TNFRSF8: variants seen among roughly 807,000 people sequenced by gnomAD.
The protein encoded by TNFRSF8 is TNF receptor superfamily member 8.
A neutral mutation model predicts 70.8 loss-of-function variants in TNFRSF8; 26 were observed. That is an observed-to-expected ratio of 0.37 (90% CI 0.27 to 0.51). TNFRSF8 has a LOEUF of 0.51. Among genes scored for constraint, TNFRSF8 ranks in the 20% least tolerant of loss-of-function variants. TNFRSF8 has a pLI of 0.94. For missense variants in TNFRSF8, 720 were observed against 807.9 expected (o/e 0.89, Z 1.32); for synonymous variants, 356 against 339.2 (o/e 1.05, Z -0.54).
At chr1:12,100,444 T>A (rs188201504) in intron 3 of TNFRSF8, among the ~76,000 whole-genome samples, 37 of 148,446 alleles carry the variant, frequency 2.5e-4, no homozygotes, top group Middle Eastern at 3.4e-3. Context: ...AACTTTTGGC[T>A]CTTTTGTAAT....
At chr1:12,098,240 A>T (rs981341511) in intron 3 of TNFRSF8, among the ~76,000 whole-genome samples, 1 of 152,228 alleles carries the variant, frequency 6.6e-6, no homozygotes, top group Non-Finnish European at 1.5e-5. Context: ...AAAGAAAAGT[A>T]ATAATAATAT....
chr1:12,125,990 T>C lies in TNFRSF8; in HGVS notation c.1193T>C (p.Val398Ala), dbSNP rs770137068. 4.3e-6 allele frequency: 7 copies of C among 1,614,146 alleles called. No homozygotes were observed. In the Admixed American group the frequency reaches 1.2e-4, roughly 27 times the overall value. Residue 398 changes from valine to alanine, a missense_variant, in exon 11 of 15, where the codon GTG (valine) becomes GCG (alanine). Coordinates refer to ENST00000263932, the MANE Select transcript of TNFRSF8 (RefSeq NM_001243.5). ...TGGGTGATCCTGGTGTTGGTTGTGG[T>C]GGTCGGCTCCAGCGCCTTCCTCCTG... is the stretch of plus-strand genomic sequence containing the variant. ...LFWVILVLVV[V>A]VGSSAFLLCH...
rs1188607918 is a variant in TNFRSF8 at position 12,109,702 on chromosome 1, C to A, written c.512+46C>A. ...CCTCCTCTTCCCCCAAGCTGGCTTT[C>A]AGATGAGGCTGCCCCACCCCACAGG... On this transcript the variant is annotated intron_variant, in intron 5 of 14. Transcript: ENST00000263932. This position sits in a 1 kb window ranked among gnomAD's most constrained non-coding sequence, Gnocchi z 4.4. 2 of 1,532,862 alleles carry A rather than the reference C, an allele frequency of 1.3e-6. No individual in the cohort carries two copies. The highest frequency in any genetic ancestry group is 1.7e-5 in the Admixed American group (1 of 59,228). 95.0% of individuals were successfully genotyped at this position (1,532,862 alleles called of 1,614,324 possible). A position where few individuals can be genotyped will look rare whatever the true frequency, so the allele number is the denominator to read the frequency against.
Position 12,084,511 on chromosome 1 carries a change from T to C in TNFRSF8, c.111T>C (p.Tyr37=). The C allele has an allele frequency of 6.2e-7, 1 of 1,613,318 alleles. No homozygotes were observed. The highest frequency in any genetic ancestry group is 8.5e-7 in the Non-Finnish European group (1 of 1,179,674). ...DTCHGNPSHY[Y]DKAVRRCCYR... ...GTCATGGAAACCCCAGCCACTACTA[T>C]GACAAGGCTGTCAGGAGGTGCTGTT... Residue 37 remains tyrosine (Y), a synonymous_variant, in exon 2 of 15, where the codon TAT becomes TAC. Coordinates refer to ENST00000263932, the MANE Select transcript of TNFRSF8 (RefSeq NM_001243.5).
chr1:12,065,759 G>T (rs1430479295), intron 1 of TNFRSF8, among the ~76,000 whole-genome samples: 2 of 152,158 alleles, frequency 1.3e-5, no homozygotes, highest in East Asian at 3.8e-4. Context: ...TGCCAAATGG[G>T]ATGTTTCATA....
rs1641650293 is a variant in TNFRSF8, at chr1:12,112,428, C to T, written c.793+414C>T. On this transcript the variant is annotated intron_variant, in intron 7 of 14. Coordinates refer to ENST00000263932, the MANE Select transcript of TNFRSF8 (RefSeq NM_001243.5). The surrounding 1 kb of genome is among the most constrained non-coding windows in gnomAD (Gnocchi z 5.3). Reference sequence around the variant, plus strand: ...TTTCCCAGACAGGGTCTCACTCCTTCACCCAAGCTGCAGTACGGTGGTGGG... The same window carrying T: ...TTTCCCAGACAGGGTCTCACTCCTTTACCCAAGCTGCAGTACGGTGGTGGG... Among the ~76,000 whole-genome samples, 1 of 151,608 alleles carries T rather than the reference C, an allele frequency of 6.6e-6. No homozygotes were observed. Among genetic ancestry groups the T allele is most frequent in the African/African-American group, 2.4e-5 (1 of 41,250 alleles).
Position 12,119,098 on chromosome 1 carries a change from G to T in TNFRSF8, c.946+3369G>T, listed in dbSNP as rs972599330. 2.0e-5 allele frequency among the ~76,000 whole-genome samples: 3 copies of T among 152,196 alleles called. No individual in the cohort carries two copies. Among genetic ancestry groups the T allele is most frequent in the Non-Finnish European group, 2.9e-5 (2 of 68,032 alleles). On this transcript the variant is annotated intron_variant, in intron 8 of 14. Transcript: ENST00000263932. The surrounding 1 kb of genome is among the most constrained non-coding windows in gnomAD (Gnocchi z 4.4). ...CAGGCTGGTCTCGAACTCCTGACCT[G>T]GTGATCCGCCTGCCTCGGCCTCGCA...
At chr1:12,090,595 C>T (rs1641233310) in intron 2 of TNFRSF8, among the ~76,000 whole-genome samples, 1 of 150,516 alleles carries the variant, frequency 6.6e-6, no homozygotes, top group South Asian at 2.1e-4. Flanking sequence ...CACCCACCCA[C>T]TCATCCATTT....
chr1:12,107,246 T>G (rs1400342540), intron 4 of TNFRSF8, among the ~76,000 whole-genome samples: 2 of 152,080 alleles, frequency 1.3e-5, no homozygotes, highest in African/African-American at 4.8e-5. Flanking sequence ...AATACAAAAG[T>G]TGGCCAGGTG....
At chr1:12,096,915 C>A (rs1222235244) in intron 2 of TNFRSF8, among the ~76,000 whole-genome samples, 186 bp from the exon 3 acceptor site, 2 of 152,168 alleles carry the variant, frequency 1.3e-5, no homozygotes, top group Non-Finnish European at 2.9e-5. Flanking sequence ...TGCTAGGGGA[C>A]CTTAGGCGAG....
chr1:12,143,925 G>T lies in TNFRSF8; in HGVS notation c.*1394G>T, dbSNP rs1642310433. 6.6e-6 allele frequency: 1 copy of T among 152,280 alleles called. No individual in the cohort carries two copies. Among genetic ancestry groups the T allele is most frequent in the African/African-American group, 2.4e-5 (1 of 41,458 alleles). 9.4% of individuals were successfully genotyped at this position (152,280 alleles called of 1,614,324 possible). A position where few individuals can be genotyped will look rare whatever the true frequency, so the allele number is the denominator to read the frequency against. On this transcript the variant is annotated 3_prime_UTR_variant, in exon 15 of 15. Transcript: ENST00000263932. This position sits in a 1 kb window ranked among gnomAD's most constrained non-coding sequence, Gnocchi z 4.1. ...AAAGTTGGAGAAGCCGTGGCCTTGC[G>T]AGAGGTGGTTACACCAGAACCTGGA...
chr1:12,111,082 G>A (rs1336512486), intron 6 of TNFRSF8, among the ~76,000 whole-genome samples: 1 of 152,152 alleles, frequency 6.6e-6, no homozygotes, highest in South Asian at 2.1e-4. Flanking sequence ...TGGATTTGTG[G>A]GACTTCTAAC....
chr1:12,079,255 C>T (rs564461302), intron 1 of TNFRSF8, among the ~76,000 whole-genome samples: 8 of 152,290 alleles, frequency 5.3e-5, no homozygotes, highest in South Asian at 2.1e-4. Flanking sequence ...AGGTTTTAGG[C>T]CACCCTCTCT....
chr1:12,079,051 C>A (rs1641017319), intron 1 of TNFRSF8, among the ~76,000 whole-genome samples: 1 of 152,214 alleles, frequency 6.6e-6, no homozygotes, highest in South Asian at 2.1e-4. Flanking sequence ...GCTTACCTCG[C>A]TGGCCCTGCT....
intron 1 of TNFRSF8, among the ~76,000 whole-genome samples, chr1:12,071,393 C>T (rs145583745): frequency 3.4e-4 from 52 of 152,228 alleles, no homozygotes; most frequent in African/African-American, 1.1e-3. Context: ...AAGCTGAGAT[C>T]GCAGCACTGC....
At position 12,108,812 on chromosome 1, in the gene TNFRSF8, C is replaced by CAAAT. The variant is rs1553156354; in HGVS notation, c.422-742_422-739dup. On this transcript the variant is annotated intron_variant, in intron 4 of 14. Coordinates refer to ENST00000263932, the MANE Select transcript of TNFRSF8 (RefSeq NM_001243.5). This position sits in a 1 kb window ranked among gnomAD's most constrained non-coding sequence, Gnocchi z 4.0. ...TGGGCGACAGAGTAAGACTCTGTCT[C>CAAAT]AAATAAATAAATAAACAAGTAAATA... Among the ~76,000 whole-genome samples, 8 of 152,014 alleles carry CAAAT rather than the reference C, an allele frequency of 5.3e-5. No homozygotes were observed. The highest frequency in any genetic ancestry group is 1.2e-4 in the Non-Finnish European group (8 of 68,004).
intron 8 of TNFRSF8, among the ~76,000 whole-genome samples, chr1:12,122,065 G>A (rs1294359610): frequency 6.6e-6 from 1 of 152,192 alleles, no homozygotes; most frequent in Non-Finnish European, 1.5e-5. Flanking sequence ...TGGAGGTGGG[G>A]GCAGAGTGAG....
intron 2 of TNFRSF8, among the ~76,000 whole-genome samples, chr1:12,090,352 G>A (rs185976688): frequency 0.019 from 2,394 of 127,884 alleles, 188 homozygotes; most frequent in Admixed American, 0.16. Context: ...CCACCCATCC[G>A]TCTACCCATC....
At chr1:12,136,870 C>CTTTTTTTTTTT (rs201470263) in intron 13 of TNFRSF8, among the ~76,000 whole-genome samples, 6 of 118,692 alleles carry the variant, frequency 5.1e-5, no homozygotes, top group African/African-American at 9.4e-5. Flanking sequence ...ATACTCAGTT[C>CTTTTTTTTTTT]TTTTTTTTTT....
Sources: gnomAD v4.1 joint callset for allele counts (sites outside exome capture counted in the v4.1 genomes callset) on GRCh38, gnomAD v4.1.1 for gene constraint, Gnocchi (gnomAD v3.1) non-coding constraint, MANE v1.5 for transcripts, NCBI Gene and HGNC (gene_info 2026-07-23, HGNC 2026-07-21) for gene names.